FOXN3: variants seen among roughly 807,000 people sequenced by gnomAD.
FOXN3 encodes forkhead box N3, also known as forkhead box protein N3.
A neutral mutation model predicts 38.4 loss-of-function variants in FOXN3; 7 were observed. The observed-to-expected ratio is 0.18, with a 90% CI of 0.10 to 0.34. FOXN3 has a LOEUF of 0.34. FOXN3 is among the 10% of genes least tolerant of loss of function. The probability of loss-of-function intolerance (pLI) is 1.00; values close to 1 mark genes in which losing one functional copy is unlikely to be tolerated. For synonymous variants in FOXN3, 230 were observed against 242.2 expected, an observed-to-expected ratio of 0.95 and a Z score of 0.47; for missense variants, 456 against 613.4, an observed-to-expected ratio of 0.74 and a Z score of 2.71.
chr14:89,301,713 G>A (rs145170072), intron 3 of FOXN3, among the ~76,000 whole-genome samples: 54 of 151,022 alleles, frequency 3.6e-4, no homozygotes, highest in African/African-American at 1.0e-3. Context: ...GGTTGCAGTG[G>A]GCCGAGATCA....
chr14:89,520,448 G>C (rs1345178629), intron 1 of FOXN3, among the ~76,000 whole-genome samples: 2 of 152,122 alleles, frequency 1.3e-5, no homozygotes, highest in African/African-American at 4.8e-5. Flanking sequence ...ACAAGAGTTT[G>C]GGACAACCAT....
At chr14:89,521,181 G>A (rs369489197) in intron 1 of FOXN3, among the ~76,000 whole-genome samples, 5 of 152,044 alleles carry the variant, frequency 3.3e-5, no homozygotes, top group Non-Finnish European at 4.4e-5. Flanking sequence ...GTGGTGGTGC[G>A]TGCCTGTAAT....
At chr14:89,476,446 G>A (rs370892008) in intron 1 of FOXN3, among the ~76,000 whole-genome samples, 4 of 152,264 alleles carry the variant, frequency 2.6e-5, no homozygotes, top group Admixed American at 1.3e-4. Context: ...ATGCTCTCGC[G>A]TGTACTATGT....
At chr14:89,189,234 T>C (rs1387575273) in intron 4 of FOXN3, among the ~76,000 whole-genome samples, 2 of 152,120 alleles carry the variant, frequency 1.3e-5, no homozygotes, top group East Asian at 3.9e-4. Flanking sequence ...CTCCACGTAG[T>C]CCAATACTAA....
chr14:89,616,521 A>ACCCCCCCCCCCCCCCCCCCCC (rs1161046760), intron 1 of FOXN3, among the ~76,000 whole-genome samples: 3 of 137,948 alleles, frequency 2.2e-5, no homozygotes, highest in South Asian at 2.5e-4. Context: ...TCACTCCCCA[A>ACCCCCCCCCCCCCCCCCCCCC]CCCCACCCCC....
At chr14:89,414,866 T>C (rs575842519) in intron 1 of FOXN3, among the ~76,000 whole-genome samples, 7 of 152,216 alleles carry the variant, frequency 4.6e-5, no homozygotes, top group Middle Eastern at 6.8e-3. Flanking sequence ...GCCCAACTCT[T>C]AAGGAGAGAA....
intron 1 of FOXN3, among the ~76,000 whole-genome samples, chr14:89,568,456 C>T (rs572484070): frequency 3.9e-5 from 6 of 152,310 alleles, no homozygotes; most frequent in South Asian, 2.1e-4. Flanking sequence ...CCCTCACAGT[C>T]GCTCCTTCCA....
Position 89,163,421 on chromosome 14 carries a change from A to AT in FOXN3, c.852-453_852-452insA, listed in dbSNP as rs1226932318. Reference sequence around the variant, plus strand: ...TTAGGAGGCTTTTGTCAGAAGACTAAACCAGTGTTCAGCAAAGATACCTGC... The same window carrying AT: ...TTAGGAGGCTTTTGTCAGAAGACTAATACCAGTGTTCAGCAAAGATACCTGC... On this transcript the variant is annotated intron_variant, in intron 5 of 5. Coordinates refer to ENST00000557258, the MANE Select transcript of FOXN3 (RefSeq NM_005197.4). This position sits in a 1 kb window ranked among gnomAD's most constrained non-coding sequence, Gnocchi z 4.3. 6.6e-6 allele frequency among the ~76,000 whole-genome samples: 1 copy of AT among 152,178 alleles called. No individual in the cohort carries two copies. The highest frequency in any genetic ancestry group is 1.5e-5 in the Non-Finnish European group (1 of 68,034).
intron 1 of FOXN3, among the ~76,000 whole-genome samples, chr14:89,492,942 G>T (rs1027265942): frequency 6.6e-6 from 1 of 152,156 alleles, no homozygotes; most frequent in African/African-American, 2.4e-5. Flanking sequence ...CCACATGCGT[G>T]GGTGCTCAGA....
intron 4 of FOXN3, among the ~76,000 whole-genome samples, chr14:89,266,244 G>A (rs1377493251): frequency 6.6e-6 from 1 of 152,180 alleles, no homozygotes; most frequent in Admixed American, 6.5e-5. Context: ...GCACGTTTGG[G>A]TTCTCCTGAG....
chr14:89,467,471 G>T (rs544424094), intron 1 of FOXN3, among the ~76,000 whole-genome samples: 4 of 151,124 alleles, frequency 2.6e-5, no homozygotes, highest in Non-Finnish European at 4.4e-5. Flanking sequence ...AAAATTAAAA[G>T]AAAATTTAAA....
intron 4 of FOXN3, among the ~76,000 whole-genome samples, chr14:89,209,734 AG>A (rs552416001): frequency 6.1e-4 from 93 of 152,364 alleles, no homozygotes; most frequent in African/African-American, 2.1e-3. Context: ...CTCCTTTTCT[AG>A]GCATGTCACT....
chr14:89,570,686 T>G (rs1442904800), intron 1 of FOXN3, among the ~76,000 whole-genome samples: 1 of 147,332 alleles, frequency 6.8e-6, no homozygotes, highest in African/African-American at 2.4e-5. Context: ...TTTGCAATTT[T>G]GGTTTTTTTT....
upstream of FOXN3, chr14:89,419,053 G>C (rs1456119517): frequency 6.7e-6 from 3 of 444,688 alleles, no homozygotes; most frequent in Admixed American, 4.8e-5. Context: ...AGTTCAAAAA[G>C]AGGGGATGTG....
chr14:89,391,268 C>T (rs1460686027), intron 2 of FOXN3, among the ~76,000 whole-genome samples: 1 of 152,168 alleles, frequency 6.6e-6, no homozygotes, highest in Admixed American at 6.5e-5. Flanking sequence ...AAATAAAATA[C>T]GGTTACATTG....
intron 1 of FOXN3, among the ~76,000 whole-genome samples, chr14:89,497,048 G>A (rs960764430): frequency 1.2e-4 from 19 of 152,026 alleles, no homozygotes; most frequent in African/African-American, 4.1e-4. Flanking sequence ...TCCGCTTCCC[G>A]GGTTCAAGTG....
chr14:89,406,745 T>C (rs1748369219), intron 2 of FOXN3, among the ~76,000 whole-genome samples: 1 of 151,382 alleles, frequency 6.6e-6, no homozygotes, highest in South Asian at 2.1e-4. Flanking sequence ...TTGATGACAA[T>C]GTTTTTTGTT....
chr14:89,379,197 G>A (rs574941025), intron 2 of FOXN3, among the ~76,000 whole-genome samples: 34 of 152,246 alleles, frequency 2.2e-4, no homozygotes, highest in African/African-American at 7.7e-4. Context: ...GTGTCTCCTC[G>A]GTGCCAGCCA....
intron 3 of FOXN3, among the ~76,000 whole-genome samples, chr14:89,299,942 C>A (rs1022886911): frequency 1.3e-5 from 2 of 152,308 alleles, no homozygotes; most frequent in Admixed American, 6.5e-5. Flanking sequence ...TCAACTTGAA[C>A]TGAATCGCAA....
Sources: gnomAD v4.1 joint callset for allele counts (sites outside exome capture counted in the v4.1 genomes callset) on GRCh38, gnomAD v4.1.1 for gene constraint, Gnocchi (gnomAD v3.1) non-coding constraint, MANE v1.5 for transcripts, NCBI Gene and HGNC (gene_info 2026-07-23, HGNC 2026-07-21) for gene names.